Variants in HECW1 observed in about 807,000 individuals in gnomAD.
The protein encoded by HECW1 is HECT, C2 and WW domain containing E3 ubiquitin protein ligase 1, also known as E3 ubiquitin-protein ligase HECW1.
A neutral mutation model predicts 182.3 loss-of-function variants in HECW1; 61 were observed. The observed-to-expected ratio is 0.33, with a 90% confidence interval of 0.27 to 0.41. The LOEUF is 0.41. Ranked by LOEUF, HECW1 falls within the 10% of genes least tolerant of loss-of-function variation. The probability of loss-of-function intolerance (pLI) is 1.00; values close to 1 mark genes in which losing one functional copy is unlikely to be tolerated. For synonymous variants in HECW1, 859 were observed against 832.6 expected, an observed-to-expected ratio of 1.03 and a Z score of -0.55; for missense variants, 1,739 against 2,108.9, an observed-to-expected ratio of 0.82 and a Z score of 3.44.
In HECW1 at chr7:43,128,530, A is replaced by G. The variant is rs566587875; in HGVS notation, c.-32+14139A>G. Among the ~76,000 whole-genome samples, 4 of 152,360 alleles carry G rather than the reference A, an allele frequency of 2.6e-5. No individual in the cohort carries two copies. In the South Asian group the frequency reaches 8.3e-4, roughly 32 times the overall value. ...AAATATTACTGCTCATTGACAATGC[A>G]CTTGGTCACCCAAGAGCACTGGTGA... is the stretch of plus-strand genomic sequence containing the variant. On this transcript the variant is annotated intron_variant, in intron 2 of 29. Transcript: ENST00000395891.
rs184859083 is a variant in HECW1 at position 43,187,644 on chromosome 7, A to G, written c.-31-56231A>G. 4.6e-5 allele frequency among the ~76,000 whole-genome samples: 7 copies of G among 151,974 alleles called. 1 individual carries two copies. The highest frequency in any genetic ancestry group is 1.7e-4 in the African/African-American group (7 of 41,388). On this transcript the variant is annotated intron_variant, in intron 2 of 29. Coordinates refer to ENST00000395891, the MANE Select transcript of HECW1 (RefSeq NM_015052.5). ...TGAATTTGGGCTTTTCCTTTATATTATAATTTTCTTTTCTATATTAACCGT... is the reference window on the plus strand; with the variant it reads ...TGAATTTGGGCTTTTCCTTTATATTGTAATTTTCTTTTCTATATTAACCGT...
intron 13 of HECW1, among the ~76,000 whole-genome samples, chr7:43,457,801 T>A (rs76272610): frequency 6.7e-6 from 1 of 149,908 alleles, no homozygotes; most frequent in Non-Finnish European, 1.5e-5. Context: ...ACAAAAAACA[T>A]GGAAACAAAA....
intron 28 of HECW1, among the ~76,000 whole-genome samples, chr7:43,552,940 G>A (rs765212858): frequency 1.3e-5 from 2 of 152,140 alleles, no homozygotes. Context: ...GGCTTAACTC[G>A]ATGTAGAGGC....
intron 7 of HECW1, among the ~76,000 whole-genome samples, chr7:43,398,793 C>T (rs74357958): frequency 0.12 from 18,224 of 152,080 alleles, 1,297 homozygotes; most frequent in Middle Eastern, 0.28. Flanking sequence ...CCCGAGAATT[C>T]GGCCATCAGA....
intron 18 of HECW1, among the ~76,000 whole-genome samples, chr7:43,492,536 CCT>C (rs1563051903): frequency 6.6e-6 from 1 of 152,314 alleles, no homozygotes; most frequent in South Asian, 2.1e-4. Context: ...TTAATGTATA[CCT>C]CTCTTTCCAT....
intron 6 of HECW1, among the ~76,000 whole-genome samples, chr7:43,392,576 C>T (rs954566919): frequency 6.6e-6 from 1 of 152,172 alleles, no homozygotes; most frequent in Non-Finnish European, 1.5e-5. Flanking sequence ...CAGGCAGGCA[C>T]CCTTGCCCTT....
chr7:43,343,016 C>A (rs1289852141), intron 5 of HECW1, among the ~76,000 whole-genome samples: 1 of 143,858 alleles, frequency 7.0e-6, no homozygotes, highest in Non-Finnish European at 1.5e-5. Context: ...CAGAGCAAGA[C>A]TCCATCTCAA....
chr7:43,495,325 G>A (rs968725280), intron 19 of HECW1, among the ~76,000 whole-genome samples: 17 of 151,868 alleles, frequency 1.1e-4, no homozygotes, highest in Admixed American at 2.6e-4. Context: ...ATGTGTTCTC[G>A]TTGTTCAGTT....
intron 2 of HECW1, among the ~76,000 whole-genome samples, chr7:43,160,514 C>T (rs1790415402): frequency 6.6e-6 from 1 of 152,110 alleles, no homozygotes; most frequent in South Asian, 2.1e-4. Context: ...CCATAAATGT[C>T]CTAGAGGCAC....
rs184951898 is a variant in HECW1 at position 43,260,386 on chromosome 7, G to A, written c.27+16454G>A. ...AGAAAACACTTCACGTGGAAAGACCGAAAAGTGGCAAGATAGGTGCAACAC... is the reference window on the plus strand; with the variant it reads ...AGAAAACACTTCACGTGGAAAGACCAAAAAGTGGCAAGATAGGTGCAACAC... On this transcript the variant is annotated intron_variant, in intron 3 of 29. Transcript: ENST00000395891. Among the ~76,000 whole-genome samples the A allele has an allele frequency of 4.1e-4, 63 of 152,244 alleles. 1 individual carries two copies. The highest frequency in any genetic ancestry group is 1.3e-3 in the East Asian group (7 of 5,188).
chr7:43,296,890 G>A (rs182849991), intron 3 of HECW1, among the ~76,000 whole-genome samples: 68 of 152,268 alleles, frequency 4.5e-4, no homozygotes, highest in African/African-American at 1.6e-3. Flanking sequence ...TTAACATGCA[G>A]TTGTTGTTGA....
At chr7:43,516,778 A>G (rs1188069553) in intron 24 of HECW1, among the ~76,000 whole-genome samples, 2 of 152,250 alleles carry the variant, frequency 1.3e-5, no homozygotes, top group East Asian at 3.8e-4. Flanking sequence ...ACAAACCTAG[A>G]TGGCAGAGCC....
intron 5 of HECW1, among the ~76,000 whole-genome samples, chr7:43,358,065 C>A (rs1815390716): frequency 6.6e-6 from 1 of 152,064 alleles, no homozygotes; most frequent in African/African-American, 2.4e-5. Context: ...ATAATTTTTT[C>A]TTTAAATGGA....
intron 9 of HECW1, 91 bp downstream of exon 9, chr7:43,438,236 A>G (rs2076771145): frequency 7.7e-6 from 8 of 1,042,854 alleles, no homozygotes; most frequent in Non-Finnish European, 9.9e-6. Context: ...GTATAGTCTC[A>G]CAGAGAGTCA....
At chr7:43,249,692 T>A (rs1799824537) in intron 3 of HECW1, among the ~76,000 whole-genome samples, 1 of 152,218 alleles carries the variant, frequency 6.6e-6, no homozygotes, top group Non-Finnish European at 1.5e-5. Context: ...TGTAGCTGAC[T>A]GTTTTGAGCT....
intron 2 of HECW1, among the ~76,000 whole-genome samples, chr7:43,233,374 A>G (rs1170241583): frequency 1.3e-5 from 2 of 152,106 alleles, no homozygotes; most frequent in East Asian, 1.9e-4. Context: ...GTGCATGCCT[A>G]TGGGCTTTAA....
rs777512794 is a variant in HECW1 at position 43,438,137 on chromosome 7, C to T, written c.936C>T (p.His312=). The change falls in exon 9 of 30, where the codon CAC becomes CAT. Residue 312 remains histidine, a synonymous_variant. Transcript: ENST00000395891. The part of the protein sequence containing the change: ...SMPVQRLLER[H]AIGDRVVSYT... Reference sequence around the variant, plus strand: ...CCGTTCAAAGACTCCTGGAGAGACACGCCATAGGGTAAACCTGTGACTGAG... The same window carrying T: ...CCGTTCAAAGACTCCTGGAGAGACATGCCATAGGGTAAACCTGTGACTGAG... The T allele has an allele frequency of 2.4e-5, 38 of 1,613,696 alleles. No individual in the cohort carries two copies. Among genetic ancestry groups the T allele is most frequent in the South Asian group, 4.4e-5 (4 of 91,038 alleles).
At chr7:43,181,083 A>G (rs562804257) in intron 2 of HECW1, among the ~76,000 whole-genome samples, 1 of 144,104 alleles carries the variant, frequency 6.9e-6, no homozygotes, top group Non-Finnish European at 1.5e-5. Flanking sequence ...TCCACATATG[A>G]GGGAGTTCAT....
intron 2 of HECW1, among the ~76,000 whole-genome samples, chr7:43,236,695 C>A (rs1798375209): frequency 6.6e-6 from 1 of 152,096 alleles, no homozygotes. Context: ...GCAGAGGAAG[C>A]AATCAAATAT....
Sources: gnomAD v4.1 joint callset for allele counts (sites outside exome capture counted in the v4.1 genomes callset) on GRCh38, gnomAD v4.1.1 for gene constraint, MANE v1.5 for transcripts, NCBI Gene and HGNC (gene_info 2026-07-23, HGNC 2026-07-21) for gene names.